TSNARE1: variants seen among roughly 807,000 people sequenced by gnomAD.
The protein encoded by TSNARE1 is t-SNARE domain containing 1.
Under a neutral mutation model 62.0 loss-of-function variants are expected in TSNARE1, and 49 were observed. The observed-to-expected ratio is 0.79, with a 90% CI of 0.63 to 1.00. TSNARE1 has a LOEUF of 1.00. TSNARE1 is among the 50% of genes least tolerant of loss of function. The probability of loss-of-function intolerance (pLI) is 0.00; values close to 1 mark genes in which losing one functional copy is unlikely to be tolerated. For missense variants in TSNARE1, 755 were observed against 700.1 expected, an observed-to-expected ratio of 1.08 and a Z score of -0.88; for synonymous variants, 328 against 294.4, an observed-to-expected ratio of 1.11 and a Z score of -1.17.
chr8:142,345,954 GC>G, intron 2 of TSNARE1, 62 bp from the exon 3 acceptor site: 2 of 1,566,840 alleles, frequency 1.3e-6, no homozygotes, highest in Non-Finnish European at 1.7e-6. Flanking sequence ...GCAGTGCCAG[GC>G]CCCCATGCAC....
chr8:142,277,833 G>A (rs1361305149), intron 11 of TSNARE1: 1 of 985,356 alleles, frequency 1.0e-6, no homozygotes, highest in African/African-American at 1.7e-5. Context: ...AGTTCCTGCA[G>A]CCTCCAGGGC....
At chr8:142,395,959 C>G (rs1837862568) in intron 1 of TSNARE1, among the ~76,000 whole-genome samples, 1 of 152,226 alleles carries the variant, frequency 6.6e-6, no homozygotes, top group African/African-American at 2.4e-5. Flanking sequence ...AGATGGAGGG[C>G]AGCCAAGGTG....
At chr8:142,364,030 G>C (rs35979165) in intron 1 of TSNARE1, among the ~76,000 whole-genome samples, 1 of 152,042 alleles carries the variant, frequency 6.6e-6, no homozygotes, top group Non-Finnish European at 1.5e-5. Context: ...ATTTTTAAAA[G>C]GAGAAAACAA....
chr8:142,237,159 C>CCCTGT (rs56817923), intron 12 of TSNARE1, among the ~76,000 whole-genome samples: 1 of 152,022 alleles, frequency 6.6e-6, no homozygotes, highest in African/African-American at 2.4e-5. Flanking sequence ...TCCCCTCCTG[C>CCCTGT]GGCCCGACTC....
At chr8:142,321,100 G>A (rs1161974251) in intron 6 of TSNARE1, among the ~76,000 whole-genome samples, 2 of 152,144 alleles carry the variant, frequency 1.3e-5, no homozygotes, top group African/African-American at 4.8e-5. Context: ...GGGAACAGGA[G>A]GTTGCCAACC....
At chr8:142,244,162 G>C (rs1309484997) in intron 12 of TSNARE1, among the ~76,000 whole-genome samples, 1 of 152,200 alleles carries the variant, frequency 6.6e-6, no homozygotes, top group Non-Finnish European at 1.5e-5. Context: ...CTCTAGCCTG[G>C]GCGACAGAGC....
At chr8:142,313,408 A>G (rs1486628978) in intron 9 of TSNARE1, among the ~76,000 whole-genome samples, 2 of 120,338 alleles carry the variant, frequency 1.7e-5, no homozygotes, top group African/African-American at 7.2e-5. Context: ...GTCTGTGTTT[A>G]TGTGTCTGTG....
At chr8:142,236,060 A>G (rs13438979) in intron 12 of TSNARE1, among the ~76,000 whole-genome samples, 86,533 of 152,082 alleles carry the variant, frequency 0.57, 26,724 homozygotes, top group African/African-American at 0.81. Flanking sequence ...CTCCGCAGCC[A>G]GGCTCCAGCC....
chr8:142,259,178 G>A (rs930077222), intron 12 of TSNARE1, among the ~76,000 whole-genome samples: 18 of 152,256 alleles, frequency 1.2e-4, no homozygotes, highest in South Asian at 2.1e-4. Context: ...GGACGGGGCC[G>A]AGGGGCAGAA....
intron 12 of TSNARE1, among the ~76,000 whole-genome samples, chr8:142,262,580 A>G (rs1448173561): frequency 6.6e-6 from 1 of 152,112 alleles, no homozygotes; most frequent in Non-Finnish European, 1.5e-5. Context: ...CTGGATCATG[A>G]GGGCCGGTTT....
intron 12 of TSNARE1, chr8:142,269,628 C>T (rs1253859194): frequency 6.1e-6 from 6 of 985,250 alleles, no homozygotes; most frequent in Non-Finnish European, 7.2e-6. Context: ...TGTGCCCAGG[C>T]CATGGTGGGT....
intron 1 of TSNARE1, among the ~76,000 whole-genome samples, chr8:142,365,525 T>C (rs1403753773): frequency 3.3e-5 from 5 of 152,072 alleles, no homozygotes; most frequent in Admixed American, 2.6e-4. Flanking sequence ...ATTGTGTATT[T>C]GGGGATCAAG....
At chr8:142,353,810 G>T (rs1834431718) in intron 2 of TSNARE1, among the ~76,000 whole-genome samples, 1 of 152,040 alleles carries the variant, frequency 6.6e-6, no homozygotes, top group South Asian at 2.1e-4. Context: ...CGCACAGCTG[G>T]GAGGACGCTC....
intron 10 of TSNARE1, among the ~76,000 whole-genome samples, chr8:142,298,055 G>A (rs1248579282): frequency 6.6e-6 from 1 of 152,118 alleles, no homozygotes; most frequent in East Asian, 1.9e-4. Flanking sequence ...GCTACCCCCC[G>A]TCCGCACAGT....
At chr8:142,380,998 C>A (rs1483996181) in intron 1 of TSNARE1, among the ~76,000 whole-genome samples, 2 of 152,240 alleles carry the variant, frequency 1.3e-5, no homozygotes, top group African/African-American at 2.4e-5. Context: ...CCCAGCATCA[C>A]CCACAGCAAG....
At chr8:142,240,381 C>T (rs1817623132) in intron 12 of TSNARE1, among the ~76,000 whole-genome samples, 2 of 152,140 alleles carry the variant, frequency 1.3e-5, no homozygotes, top group Non-Finnish European at 2.9e-5. Flanking sequence ...GGAGAAATTT[C>T]CAAATCCACC....
intron 13 of TSNARE1, among the ~76,000 whole-genome samples, chr8:142,228,878 T>C (rs1816957608): frequency 6.6e-6 from 1 of 150,504 alleles, no homozygotes; most frequent in Non-Finnish European, 1.5e-5. Context: ...GGGTGGATAA[T>C]GGACGAACAG....
chr8:142,275,206 G>A (rs990036633), intron 11 of TSNARE1: 6 of 985,304 alleles, frequency 6.1e-6, no homozygotes, highest in Non-Finnish European at 4.8e-6. Context: ...CCTTGCCTGG[G>A]CCAGCCCCTC....
At chr8:142,353,152 C>T (rs567759322) in intron 2 of TSNARE1, among the ~76,000 whole-genome samples, 69 of 152,060 alleles carry the variant, frequency 4.5e-4, no homozygotes, top group Non-Finnish European at 9.3e-4. Flanking sequence ...ACCCCCTCCC[C>T]GAGGGCCCTC....
Sources: allele counts gnomAD v4.1 joint callset (sites outside exome capture counted in the v4.1 genomes callset), GRCh38; gene constraint gnomAD v4.1.1; transcripts MANE v1.5; gene names NCBI Gene and HGNC (gene_info 2026-07-23, HGNC 2026-07-21).